PHF14: variants seen among roughly 807,000 people sequenced by gnomAD.
PHF14 encodes the protein PHD finger protein 14.
A neutral mutation model predicts 117.9 loss-of-function variants in PHF14; 55 were observed. The observed-to-expected ratio is 0.47, with a 90% confidence interval of 0.38 to 0.58. The LOEUF is 0.58. Among genes scored for constraint, PHF14 ranks in the 20% least tolerant of loss-of-function variants. PHF14 has a pLI of 0.00. For missense variants in PHF14, 978 were observed against 1,122.2 expected (o/e 0.87, Z 1.84); for synonymous variants, 409 against 368.6 (o/e 1.11, Z -1.26).
At chr7:11,154,044 C>T (rs1788776100) in intron 17 of PHF14, among the ~76,000 whole-genome samples, 1 of 151,984 alleles carries the variant, frequency 6.6e-6, no homozygotes, top group African/African-American at 2.4e-5. Flanking sequence ...AGAATCAGTT[C>T]ATGTCGCCGG....
chr7:11,107,118 G>C (rs1409815154), intron 16 of PHF14: 1 of 983,280 alleles, frequency 1.0e-6, no homozygotes, highest in African/African-American at 1.8e-5. Context: ...AATGAAATTA[G>C]AGATGTTAAA....
chr7:10,993,918 A>C lies in PHF14; in HGVS notation c.1045+3071A>C, dbSNP rs1782544054. 2.7e-5 allele frequency among the ~76,000 whole-genome samples: 4 copies of C among 150,532 alleles called. No individual in the cohort carries two copies. In the South Asian group the frequency reaches 8.5e-4, roughly 32 times the overall value. The stretch of plus-strand genomic sequence containing the variant: ...CAGCTACTCTGGAGGCTAAGGCAGG[A>C]GATTTGCTGGAACCTAGGAGGTGGA... On this transcript the variant is annotated intron_variant, in intron 4 of 17. Transcript: ENST00000634607.
intron 5 of PHF14, among the ~76,000 whole-genome samples, chr7:11,022,373 A>G (rs1783766392): frequency 6.6e-6 from 1 of 152,206 alleles, no homozygotes; most frequent in Non-Finnish European, 1.5e-5. Context: ...ATATGTCCTT[A>G]AAGATTATTA....
chr7:11,063,647 G>T, intron 16 of PHF14: 1 of 973,624 alleles, frequency 1.0e-6, no homozygotes, highest in Non-Finnish European at 1.2e-6. Context: ...GTAGGACTTA[G>T]AGGTTTTTAT....
At position 11,063,036 on chromosome 7, in the gene PHF14, C is replaced by G. The variant is rs1008075506; in HGVS notation, c.2654+951C>G. On this transcript the variant is annotated intron_variant, in intron 16 of 17. Transcript: ENST00000634607. ...GTTGTTGTATGTTTTTAAATACTTA[C>G]TTCCAAATGATTTAATCTATTTTGG... 7 of 776,420 alleles carry G rather than the reference C, an allele frequency of 9.0e-6. No individual in the cohort carries two copies. The African/African-American group carries it at 1.2e-4, about 13-fold the overall frequency. The allele number at this position is 776,420 out of a possible 1,614,324, so 48.1% of individuals were successfully genotyped here. A position where few individuals can be genotyped will look rare whatever the true frequency, so the allele number is the denominator to read the frequency against.
chr7:11,018,887 T>A (rs1783625141), intron 5 of PHF14, among the ~76,000 whole-genome samples: 1 of 152,166 alleles, frequency 6.6e-6, no homozygotes, highest in Non-Finnish European at 1.5e-5. Context: ...CTGTCATATA[T>A]CGCTTTTATT....
At chr7:11,161,700 A>G in intron 17 of PHF14, among the ~76,000 whole-genome samples, 1 of 148,092 alleles carries the variant, frequency 6.8e-6, no homozygotes. Context: ...ATTTAAATAA[A>G]AATATTATAT....
At chr7:11,009,642 G>A (rs1783267734) in intron 4 of PHF14, among the ~76,000 whole-genome samples, 1 of 152,216 alleles carries the variant, frequency 6.6e-6, no homozygotes. Flanking sequence ...TACAGTGCTA[G>A]AACTTTGGTC....
At chr7:11,036,341 TA>T in intron 8 of PHF14, 76 bp from the exon 9 acceptor site, 1 of 1,235,524 alleles carries the variant, frequency 8.1e-7, no homozygotes, top group Non-Finnish European at 1.1e-6. Flanking sequence ...AACATGGGAA[TA>T]AAAATCAATG....
At chr7:11,139,313 A>G (rs1179452553) in intron 17 of PHF14, among the ~76,000 whole-genome samples, 1 of 152,134 alleles carries the variant, frequency 6.6e-6, no homozygotes, top group Non-Finnish European at 1.5e-5. Flanking sequence ...ATCCAGAATC[A>G]CTGTATTTAT....
At chr7:11,154,339 G>A (rs1788784408) in intron 17 of PHF14, among the ~76,000 whole-genome samples, 1 of 152,054 alleles carries the variant, frequency 6.6e-6, no homozygotes, top group South Asian at 2.1e-4. Flanking sequence ...ATTTCAAGGT[G>A]AATTAAATTA....
intron 6 of PHF14, among the ~76,000 whole-genome samples, chr7:11,025,167 G>A (rs1232843334): frequency 6.6e-6 from 1 of 152,162 alleles, no homozygotes; most frequent in Admixed American, 6.5e-5. Flanking sequence ...AGAATTAGAA[G>A]TGTAGCCAAA....
At chr7:11,102,508 C>G in intron 16 of PHF14, 1 of 1,609,522 alleles carries the variant, frequency 6.2e-7, no homozygotes. Flanking sequence ...AGACCCAACT[C>G]TGCCACAGCT....
intron 16 of PHF14, among the ~76,000 whole-genome samples, chr7:11,070,867 A>G (rs1785593764): frequency 6.6e-6 from 1 of 152,190 alleles, no homozygotes; most frequent in Non-Finnish European, 1.5e-5. Context: ...ATATTTTTGC[A>G]ACTCTATACA....
At chr7:11,090,866 T>C (rs1184544459) in intron 16 of PHF14, among the ~76,000 whole-genome samples, 1 of 152,162 alleles carries the variant, frequency 6.6e-6, no homozygotes, top group Non-Finnish European at 1.5e-5. Flanking sequence ...GTGAATTGAA[T>C]CTTGAAGTAT....
At chr7:11,099,666 CA>C (rs1787012541) in intron 16 of PHF14, among the ~76,000 whole-genome samples, 1 of 152,086 alleles carries the variant, frequency 6.6e-6, no homozygotes, top group South Asian at 2.1e-4. Flanking sequence ...ACTCTTACCA[CA>C]GTTCTGCTGT....
chr7:10,993,735 C>T (rs1346733406), intron 4 of PHF14, among the ~76,000 whole-genome samples: 1 of 152,084 alleles, frequency 6.6e-6, no homozygotes, highest in Admixed American at 6.5e-5. Flanking sequence ...GGGCTGGGTA[C>T]GGTGGCTCAT....
intron 3 of PHF14, among the ~76,000 whole-genome samples, 179 bp from the exon 4 acceptor site, chr7:10,990,524 A>G (rs1246141008): frequency 6.6e-6 from 1 of 152,214 alleles, no homozygotes; most frequent in Non-Finnish European, 1.5e-5. Flanking sequence ...TCTTTGATAA[A>G]GAGGTCAAGT....
At chr7:11,107,303 T>C (rs1583471304) in intron 16 of PHF14, 2 of 965,620 alleles carry the variant, frequency 2.1e-6, no homozygotes, top group African/African-American at 3.5e-5. Flanking sequence ...TTGTTTAGGG[T>C]GCTATTCTTA....
Sources: gnomAD v4.1 joint callset for allele counts (sites outside exome capture counted in the v4.1 genomes callset) on GRCh38, gnomAD v4.1.1 for gene constraint, MANE v1.5 for transcripts, NCBI Gene and HGNC (gene_info 2026-07-23, HGNC 2026-07-21) for gene names.